The following KCNMA1 variants were observed in gnomAD, a reference collection of about 807,000 sequenced individuals.
KCNMA1 encodes the protein Calcium-activated potassium channel subunit alpha-1.
A neutral mutation model predicts 140.0 loss-of-function variants in KCNMA1; 29 were observed. The ratio of observed to expected loss-of-function variants is 0.21; its 90% CI spans 0.15 to 0.28. KCNMA1 has a LOEUF of 0.28. Ranked by LOEUF, KCNMA1 falls within the 10% of genes least tolerant of loss-of-function variation. The pLI, the probability that KCNMA1 is intolerant of heterozygous loss-of-function variation, is 1.00. For missense variants in KCNMA1, 880 were observed against 1,602.2 expected, an observed-to-expected ratio of 0.55 and a Z score of 7.70; for synonymous variants, 612 against 611.9, an observed-to-expected ratio of 1.00 and a Z score of 0.00.
chr10:77,064,141 C>G, intron 14 of KCNMA1: 1 of 984,258 alleles, frequency 1.0e-6, no homozygotes, highest in African/African-American at 1.7e-5. Context: ...TATGTGATTA[C>G]AGCTATAAAA....
chr10:77,492,254 C>T (rs2040211274), intron 1 of KCNMA1, among the ~76,000 whole-genome samples: 1 of 152,214 alleles, frequency 6.6e-6, no homozygotes, highest in Non-Finnish European at 1.5e-5. Flanking sequence ...TGCCTTCCCA[C>T]ATCCTCCCCT....
At chr10:76,970,344 A>G (rs1054816107) in intron 19 of KCNMA1, 24 of 368,924 alleles carry the variant, frequency 6.5e-5, no homozygotes, top group Non-Finnish European at 8.0e-5. Context: ...AAAAAAAAAA[A>G]AAAGAAATCA....
chr10:76,914,915 A>C lies in KCNMA1; in HGVS notation c.3016+21T>G, dbSNP rs202108095. 4.2e-5 allele frequency: 65 copies of C among 1,540,620 alleles called. No homozygotes were observed. The South Asian group carries it at 6.2e-4, about 15-fold the overall frequency. On this transcript the variant is annotated intron_variant, in intron 24 of 27. Coordinates refer to ENST00000286628, the MANE Select transcript of KCNMA1 (RefSeq NM_001161352.2). ...GAAAGACAGAACAAAAACTCCCCCC[A>C]AAGCTGACATTGACCCCTACCTAGT...
intron 2 of KCNMA1, among the ~76,000 whole-genome samples, chr10:77,297,692 G>A (rs180775404): frequency 7.2e-5 from 11 of 152,232 alleles, no homozygotes; most frequent in Admixed American, 3.3e-4. Context: ...TAAAGGAGAC[G>A]ACCTCTACCT....
intron 15 of KCNMA1, among the ~76,000 whole-genome samples, chr10:77,038,010 G>A (rs527770112): frequency 3.3e-5 from 5 of 152,196 alleles, no homozygotes; most frequent in South Asian, 2.1e-4. Context: ...AACTCCTTCC[G>A]AATCAATTAC....
chr10:77,309,090 G>A (rs1482554210), intron 2 of KCNMA1, among the ~76,000 whole-genome samples: 1 of 152,170 alleles, frequency 6.6e-6, no homozygotes, highest in Non-Finnish European at 1.5e-5. Context: ...ACCACGTGCC[G>A]GCAGAGTGCA....
chr10:77,457,367 G>A (rs2097777939), intron 1 of KCNMA1, among the ~76,000 whole-genome samples: 1 of 152,196 alleles, frequency 6.6e-6, no homozygotes. Context: ...GGCATCTCCA[G>A]ATAGAGAACA....
intron 5 of KCNMA1, among the ~76,000 whole-genome samples, chr10:77,141,224 T>C (rs1004181861): frequency 1.3e-5 from 2 of 152,048 alleles, no homozygotes; most frequent in African/African-American, 4.8e-5. Context: ...CACCCCCTGC[T>C]TCTTTGTCCC....
intron 17 of KCNMA1, among the ~76,000 whole-genome samples, chr10:77,013,640 T>C (rs906310153): frequency 2.0e-5 from 3 of 152,218 alleles, no homozygotes; most frequent in Admixed American, 6.5e-5. Context: ...AACAATCATA[T>C]AGCTAACATC....
At chr10:77,214,673 C>T (rs950268787) in intron 3 of KCNMA1, among the ~76,000 whole-genome samples, 4 of 152,198 alleles carry the variant, frequency 2.6e-5, no homozygotes, top group African/African-American at 9.6e-5. Flanking sequence ...CCAGCAACAT[C>T]CCTGTCACAA....
At chr10:77,531,065 G>A (rs889049723) in intron 1 of KCNMA1, among the ~76,000 whole-genome samples, 7 of 152,258 alleles carry the variant, frequency 4.6e-5, no homozygotes, top group African/African-American at 1.7e-4. Context: ...AAACAAAGCT[G>A]TTTCCTACCA....
At chr10:77,247,568 G>T (rs1018846645) in intron 3 of KCNMA1, among the ~76,000 whole-genome samples, 37 of 152,294 alleles carry the variant, frequency 2.4e-4, no homozygotes, top group African/African-American at 8.4e-4. Flanking sequence ...GGTTGGCGTT[G>T]GTGTCGGGAG....
intron 5 of KCNMA1, among the ~76,000 whole-genome samples, chr10:77,171,388 T>C (rs1013297546): frequency 1.5e-4 from 17 of 116,086 alleles, no homozygotes; most frequent in Non-Finnish European, 1.9e-4. Context: ...TACGTGTGCG[T>C]GTGTGTGTGT....
intron 2 of KCNMA1, among the ~76,000 whole-genome samples, chr10:77,364,479 A>G (rs986182380): frequency 2.6e-4 from 39 of 152,062 alleles, no homozygotes; most frequent in African/African-American, 9.2e-4. Flanking sequence ...AGAAAAGAAA[A>G]AAAGAGAAAG....
chr10:77,496,703 A>G (rs1383569572), intron 1 of KCNMA1, among the ~76,000 whole-genome samples: 1 of 150,558 alleles, frequency 6.6e-6, no homozygotes. Context: ...TGATTTCTCA[A>G]CATCACTGTG....
At chr10:77,271,775 A>G (rs2065212526) in intron 2 of KCNMA1, among the ~76,000 whole-genome samples, 2 of 152,126 alleles carry the variant, frequency 1.3e-5, no homozygotes, top group Non-Finnish European at 2.9e-5. Flanking sequence ...CTGGCTGCCA[A>G]AATTATACAT....
At chr10:76,876,636 C>T (rs1428283617), downstream of KCNMA1, 1 of 151,922 alleles carries the variant, frequency 6.6e-6, no homozygotes, top group African/African-American at 2.4e-5. Context: ...TGTGTTTGGC[C>T]CCAGCAACTA....
chr10:77,054,439 T>G (rs1565808205), intron 14 of KCNMA1, among the ~76,000 whole-genome samples: 1 of 152,022 alleles, frequency 6.6e-6, no homozygotes. Context: ...ACAGCCAGAC[T>G]GACAACAAAG....
intron 2 of KCNMA1, among the ~76,000 whole-genome samples, chr10:77,296,469 T>A (rs2075140783): frequency 6.6e-6 from 1 of 152,182 alleles, no homozygotes; most frequent in East Asian, 1.9e-4. Context: ...GGTAATTTGT[T>A]ACAGCAGCAA....
Sources: gnomAD v4.1 joint callset for allele counts (sites outside exome capture counted in the v4.1 genomes callset) on GRCh38, gnomAD v4.1.1 for gene constraint, MANE v1.5 for transcripts, NCBI Gene and HGNC (gene_info 2026-07-23, HGNC 2026-07-21) for gene names.